The following NFIA variants were observed in gnomAD, a reference collection of about 807,000 sequenced individuals.
NFIA encodes nuclear factor 1 A-type.
In NFIA, 8 loss-of-function variants were observed where a neutral mutation model predicts 62.8. The observed-to-expected ratio is 0.13, with a 90% confidence interval of 0.07 to 0.23. NFIA has a LOEUF of 0.23. Ranked by LOEUF, NFIA falls within the 10% of genes least tolerant of loss-of-function variation. The pLI is 1.00. For synonymous variants in NFIA, 235 were observed against 238.1 expected (o/e 0.99, Z 0.12); for missense variants, 410 against 642.1 (o/e 0.64, Z 3.91).
At chr1:61,333,781 TG>T (rs1238047037) in intron 4 of NFIA, among the ~76,000 whole-genome samples, 1 of 152,106 alleles carries the variant, frequency 6.6e-6, no homozygotes, top group Non-Finnish European at 1.5e-5. Context: ...GTGGATCACT[TG>T]AGGTCAGGAG....
chr1:61,161,597 ACACAC>A (rs1649209550), intron 2 of NFIA, among the ~76,000 whole-genome samples: 2 of 148,594 alleles, frequency 1.3e-5, no homozygotes, highest in African/African-American at 5.2e-5. Flanking sequence ...ACACACACAC[ACACAC>A]ACACACACAC....
intron 4 of NFIA, among the ~76,000 whole-genome samples, chr1:61,349,207 T>C (rs1415882827): frequency 2.0e-5 from 3 of 152,150 alleles, no homozygotes; most frequent in Non-Finnish European, 4.4e-5. Flanking sequence ...AGAACCCTGT[T>C]TACACTTATT....
At chr1:61,258,624 C>T (rs1421152759) in intron 2 of NFIA, among the ~76,000 whole-genome samples, 1 of 152,132 alleles carries the variant, frequency 6.6e-6, no homozygotes, top group Non-Finnish European at 1.5e-5. Context: ...AGCCCAGAGT[C>T]ACATACTATA....
intron 10 of NFIA, among the ~76,000 whole-genome samples, chr1:61,447,040 G>A (rs929537817): frequency 6.6e-6 from 1 of 152,092 alleles, no homozygotes; most frequent in Non-Finnish European, 1.5e-5. Flanking sequence ...GGAATCCGAT[G>A]TGTAGAAAAC....
At position 61,329,196 on chromosome 1, in the gene NFIA, C is replaced by T. The variant is rs1457753896; in HGVS notation, c.626-3316C>T. Among the ~76,000 whole-genome samples the T allele has an allele frequency of 4.6e-5, 7 of 150,640 alleles. No homozygotes were observed. The South Asian group carries it at 6.3e-4, about 14-fold the overall frequency. ...CTGAGTAGCTGGGATTACAAGCGTGCGCCACCATGCCTAGCTAATTTTTTT... is the reference window on the plus strand; with the variant it reads ...CTGAGTAGCTGGGATTACAAGCGTGTGCCACCATGCCTAGCTAATTTTTTT... On this transcript the variant is annotated intron_variant, in intron 3 of 10. Transcript: ENST00000403491.
intron 2 of NFIA, among the ~76,000 whole-genome samples, chr1:61,162,977 C>T (rs1649320725): frequency 6.6e-6 from 1 of 152,010 alleles, no homozygotes; most frequent in African/African-American, 2.4e-5. Flanking sequence ...ATCAAGAGTA[C>T]ATTATAAATT....
upstream of NFIA, chr1:61,077,271 C>T (rs977120013): frequency 5.8e-5 from 14 of 241,368 alleles, no homozygotes; most frequent in African/African-American, 3.1e-4. Context: ...TCTGCAAAGT[C>T]TCGTACAATC....
chr1:61,441,394 T>G (rs1030352489), intron 10 of NFIA, among the ~76,000 whole-genome samples: 4 of 151,870 alleles, frequency 2.6e-5, no homozygotes, highest in Non-Finnish European at 5.9e-5. Context: ...ACAGCTTTTT[T>G]TTGCATATTT....
intron 2 of NFIA, among the ~76,000 whole-genome samples, chr1:61,176,480 G>T (rs970860884): frequency 6.6e-6 from 1 of 151,966 alleles, no homozygotes; most frequent in Non-Finnish European, 1.5e-5. Flanking sequence ...GTTTTTTAGC[G>T]TACCAGAAGA....
chr1:61,366,784 G>A (rs1212770778), intron 6 of NFIA, among the ~76,000 whole-genome samples: 3 of 152,064 alleles, frequency 2.0e-5, no homozygotes, highest in East Asian at 1.9e-4. Context: ...TTAGCTGGGC[G>A]TGGCGGCGCC....
At chr1:61,095,903 C>T (rs1646402952) in intron 2 of NFIA, among the ~76,000 whole-genome samples, 2 of 151,948 alleles carry the variant, frequency 1.3e-5, no homozygotes, top group Non-Finnish European at 2.9e-5. Flanking sequence ...ATGTACAAGA[C>T]ATAATATATA....
chr1:61,215,620 CT>C (rs1653564345), intron 2 of NFIA, among the ~76,000 whole-genome samples: 1 of 152,104 alleles, frequency 6.6e-6, no homozygotes, highest in Non-Finnish European at 1.5e-5. Context: ...AGAAGTGTAA[CT>C]TATTCAAGTA....
At position 61,460,252 on chromosome 1, in the gene NFIA, G is replaced by A. The variant is rs774431271; in HGVS notation, c.*4932G>A. The A allele has an allele frequency of 7.9e-5, 12 of 152,298 alleles. No homozygotes were observed. Among genetic ancestry groups the A allele is most frequent in the South Asian group, 4.1e-4 (2 of 4,826 alleles). The allele number at this position is 152,298 out of a possible 1,614,324, so 9.4% of individuals were successfully genotyped here. A position where few individuals can be genotyped will look rare whatever the true frequency, so the allele number is the denominator to read the frequency against. ...GCTGTGCATTCGTCTAATTAGCGTC[G>A]TGTATGTTTTCCTTTTATTTTTTCC... On this transcript the variant is annotated 3_prime_UTR_variant, in exon 11 of 11. Transcript: ENST00000403491.
At chr1:61,439,008 C>CACAA in intron 10 of NFIA, among the ~76,000 whole-genome samples, 1 of 150,746 alleles carries the variant, frequency 6.6e-6, no homozygotes, top group East Asian at 1.9e-4. Flanking sequence ...GACACACACA[C>CACAA]ACACACACAC....
intron 10 of NFIA, among the ~76,000 whole-genome samples, chr1:61,438,092 C>T (rs991322396): frequency 6.6e-6 from 1 of 152,070 alleles, no homozygotes; most frequent in Admixed American, 6.5e-5. Flanking sequence ...GACCTGTGGT[C>T]ATGAGGTACC....
chr1:61,352,384 G>A (rs1278930632), intron 4 of NFIA, 66 bp from the exon 5 acceptor site: 1 of 1,091,172 alleles, frequency 9.2e-7, no homozygotes, highest in Non-Finnish European at 1.4e-6. Context: ...GCAACACTGA[G>A]GATGCTGTCA....
intron 2 of NFIA, among the ~76,000 whole-genome samples, chr1:61,105,826 A>G (rs938575835): frequency 6.6e-6 from 1 of 151,844 alleles, no homozygotes; most frequent in Non-Finnish European, 1.5e-5. Flanking sequence ...CATACTTTTT[A>G]AAAAAAGAAT....
chr1:61,223,142 A>T (rs944629488), intron 2 of NFIA, among the ~76,000 whole-genome samples: 40 of 152,000 alleles, frequency 2.6e-4, no homozygotes, highest in Non-Finnish European at 3.8e-4. Flanking sequence ...TTTAACTGGA[A>T]TTTTTTAACA....
chr1:61,318,363 CTT>C (rs561596937), intron 3 of NFIA, among the ~76,000 whole-genome samples: 9 of 152,100 alleles, frequency 5.9e-5, no homozygotes, highest in Non-Finnish European at 1.0e-4. Context: ...CAAGCTGACA[CTT>C]TGAGGGAATG....
Sources: gnomAD v4.1 joint callset for allele counts (sites outside exome capture counted in the v4.1 genomes callset) on GRCh38, gnomAD v4.1.1 for gene constraint, MANE v1.5 for transcripts, NCBI Gene and HGNC (gene_info 2026-07-23, HGNC 2026-07-21) for gene names.